FSCN1: variants seen among roughly 807,000 people sequenced by gnomAD.
The protein encoded by FSCN1 is fascin.
A neutral mutation model predicts 39.7 loss-of-function variants in FSCN1; 10 were observed. That is an observed-to-expected ratio of 0.25 (90% confidence interval 0.16 to 0.43). The LOEUF is 0.43. FSCN1 is among the 20% of genes least tolerant of loss of function. The probability of loss-of-function intolerance (pLI) is 1.00; values close to 1 mark genes in which losing one functional copy is unlikely to be tolerated. For missense variants in FSCN1, 525 were observed against 723.8 expected (o/e 0.73, Z 3.15); for synonymous variants, 322 against 320.0 (o/e 1.01, Z -0.07).
chr7:5,600,616 C>G (rs544013978), intron 1 of FSCN1, among the ~76,000 whole-genome samples: 1 of 150,660 alleles, frequency 6.6e-6, no homozygotes, highest in African/African-American at 2.4e-5. Context: ...GTCAGCCTCC[C>G]GAGCAGCTGG....
In FSCN1 at chr7:5,605,872, C is replaced by T. The variant is rs1785924933; in HGVS notation, c.*398C>T. ...GTGTAACTGGAATCTTTTGCCTCTC[C>T]CAGCCACCTCCTCCCAGCCCCCCAG... On this transcript the variant is annotated 3_prime_UTR_variant, in exon 5 of 5. Transcript: ENST00000382361. This position sits in a 1 kb window ranked among gnomAD's most constrained non-coding sequence, Gnocchi z 6.9. 1 of 178,848 alleles carries T rather than the reference C, an allele frequency of 5.6e-6. No homozygotes were observed. Among genetic ancestry groups the T allele is most frequent in the Non-Finnish European group, 1.2e-5 (1 of 84,040 alleles). 11.1% of individuals were successfully genotyped at this position (178,848 alleles called of 1,614,324 possible). A position where few individuals can be genotyped will look rare whatever the true frequency, so the allele number is the denominator to read the frequency against.
chr7:5,604,089 G>A, intron 4 of FSCN1, 59 bp downstream of exon 4: 1 of 1,521,526 alleles, frequency 6.6e-7, no homozygotes, highest in Non-Finnish European at 9.0e-7. Flanking sequence ...GCTGGGGTCA[G>A]TGCTGCGGGG....
intron 4 of FSCN1, 94 bp downstream of exon 4, chr7:5,604,124 C>A: frequency 8.0e-7 from 1 of 1,244,588 alleles, no homozygotes; most frequent in Non-Finnish European, 1.1e-6. Context: ...CCACACTGGA[C>A]CCTGGCTTGG....
chr7:5,594,076 C>A (rs1404038299), intron 1 of FSCN1: 2 of 388,608 alleles, frequency 5.1e-6, no homozygotes, highest in South Asian at 4.6e-5. Flanking sequence ...TGGCTCTCCC[C>A]ACGCGCGCTG....
At chr7:5,595,611 G>T (rs866555578) in intron 1 of FSCN1, among the ~76,000 whole-genome samples, 1 of 152,222 alleles carries the variant, frequency 6.6e-6, no homozygotes, top group Non-Finnish European at 1.5e-5. Flanking sequence ...GCAGGTATGG[G>T]GGGGGTGCTG....
At chr7:5,597,622 G>A (rs1170965905) in intron 1 of FSCN1, among the ~76,000 whole-genome samples, 73 of 151,518 alleles carry the variant, frequency 4.8e-4, no homozygotes, top group Non-Finnish European at 2.5e-4. Flanking sequence ...AGCCGAGATC[G>A]CACCATTGCA....
Position 5,605,171 on chromosome 7 carries a change from T to TG in FSCN1, c.1280-97dup. On this transcript the variant is annotated intron_variant, in intron 4 of 4. Transcript: ENST00000382361. The surrounding 1 kb of genome is among the most constrained non-coding windows in gnomAD (Gnocchi z 6.9). ...TCATTCCGGAGCCGGGACTGGAGGGTGGGGCGTCACCCTTGGGAACACCCG... is the reference window on the plus strand; with the variant it reads ...TCATTCCGGAGCCGGGACTGGAGGGTGGGGGCGTCACCCTTGGGAACACCCG... The TG allele has an allele frequency of 1.2e-6, 1 of 814,124 alleles. No homozygotes were observed. The highest frequency in any genetic ancestry group is 2.0e-6 in the Non-Finnish European group (1 of 488,742). The allele number at this position is 814,124 out of a possible 1,614,324, so 50.4% of individuals were successfully genotyped here.
In FSCN1 at chr7:5,592,928, A is replaced by C; in HGVS notation, c.-9A>C. The C allele has an allele frequency of 6.7e-7, 1 of 1,489,814 alleles. No homozygotes were observed. Among genetic ancestry groups the C allele is most frequent in the Non-Finnish European group, 9.0e-7 (1 of 1,116,008 alleles). The allele number at this position is 1,489,814 out of a possible 1,614,324, so 92.3% of individuals were successfully genotyped here. On this transcript the variant is annotated 5_prime_UTR_variant, in exon 1 of 5. Coordinates refer to ENST00000382361, the MANE Select transcript of FSCN1 (RefSeq NM_003088.4). The surrounding 1 kb of genome is among the most constrained non-coding windows in gnomAD (Gnocchi z 5.3). ...GGGGCCGCGCAGCGGCCTCTCGTCT[A>C]CTGCCACCATGACCGCCAACGGCAC...
At position 5,605,140 on chromosome 7, in the gene FSCN1, C is replaced by A. The variant is rs543976767; in HGVS notation, c.1280-132C>A. 481 of 673,638 alleles carry A rather than the reference C, an allele frequency of 7.1e-4. 4 individuals carry two copies. The highest frequency in any genetic ancestry group is 5.0e-3 in the Middle Eastern group (12 of 2,386). The allele number at this position is 673,638 out of a possible 1,614,324, so 41.7% of individuals were successfully genotyped here. The stretch of plus-strand genomic sequence containing the variant: ...AGGAGGACGTGCGGGCCATAGGGAC[C>A]CTGGCTCATTCCGGAGCCGGGACTG... On this transcript the variant is annotated intron_variant, in intron 4 of 4. Coordinates refer to ENST00000382361, the MANE Select transcript of FSCN1 (RefSeq NM_003088.4). The surrounding 1 kb of genome is among the most constrained non-coding windows in gnomAD (Gnocchi z 6.9).
At position 5,605,125 on chromosome 7, in the gene FSCN1, G is replaced by A. The variant is rs558414023; in HGVS notation, c.1280-147G>A. Reference sequence around the variant, plus strand: ...GTGTCCATCATGGACAGGAGGACGTGCGGGCCATAGGGACCCTGGCTCATT... The same window carrying A: ...GTGTCCATCATGGACAGGAGGACGTACGGGCCATAGGGACCCTGGCTCATT... On this transcript the variant is annotated intron_variant, in intron 4 of 4. Coordinates refer to ENST00000382361, the MANE Select transcript of FSCN1 (RefSeq NM_003088.4). The surrounding 1 kb of genome is among the most constrained non-coding windows in gnomAD (Gnocchi z 6.9). 9.5e-6 allele frequency: 6 copies of A among 634,684 alleles called. No homozygotes were observed. The highest frequency in any genetic ancestry group is 3.7e-5 in the African/African-American group (2 of 54,468). The allele number at this position is 634,684 out of a possible 1,614,324, so 39.3% of individuals were successfully genotyped here.
intron 4 of FSCN1, among the ~76,000 whole-genome samples, chr7:5,604,818 C>A (rs1257303931): frequency 1.3e-5 from 2 of 152,034 alleles, no homozygotes; most frequent in African/African-American, 4.8e-5. Flanking sequence ...TTGTATTTTT[C>A]ATAGAGACGG....
rs745750167 is a variant in FSCN1 at position 5,603,605 on chromosome 7, G to A, written c.1099G>A (p.Val367Met). Reference protein sequence around the residue: ...SKKNGQLAASVETAGDSELFL... With the variant: ...SKKNGQLAASMETAGDSELFL... ...GAAGAATGGGCAGCTGGCCGCCTCGGTGGAGACAGCAGGTAACACTAAAGC... is the reference window on the plus strand; with the variant it reads ...GAAGAATGGGCAGCTGGCCGCCTCGATGGAGACAGCAGGTAACACTAAAGC... Residue 367 changes from valine (V) to methionine (M), a missense_variant, in exon 3 of 5, where the codon GTG becomes ATG. Coordinates refer to ENST00000382361, the MANE Select transcript of FSCN1 (RefSeq NM_003088.4). This position sits in a 1 kb window ranked among gnomAD's most constrained non-coding sequence, Gnocchi z 8.5. 7 of 1,614,006 alleles carry A rather than the reference G, an allele frequency of 4.3e-6. No individual in the cohort carries two copies. In the Admixed American group the frequency reaches 1.0e-4, roughly 23 times the overall value.
At chr7:5,601,532 G>A (rs1342758339) in intron 1 of FSCN1, among the ~76,000 whole-genome samples, 1 of 152,168 alleles carries the variant, frequency 6.6e-6, no homozygotes, top group Non-Finnish European at 1.5e-5. Context: ...GAAAAAAACA[G>A]CTAGAAAGTT....
chr7:5,604,983 A>C (rs1319829897), intron 4 of FSCN1, among the ~76,000 whole-genome samples: 8 of 151,584 alleles, frequency 5.3e-5, no homozygotes, highest in Non-Finnish European at 1.2e-4. Flanking sequence ...TATGTTGGCA[A>C]GGCTGGCTCG....
chr7:5,602,949 A>G lies in FSCN1; in HGVS notation c.833-308A>G, dbSNP rs188337812. Reference sequence around the variant, plus strand: ...GGTCTCAAACTCCTAGACTCAAACAATCCTCCTGCCTTGGCCTCCCAAAGT... The same window carrying G: ...GGTCTCAAACTCCTAGACTCAAACAGTCCTCCTGCCTTGGCCTCCCAAAGT... On this transcript the variant is annotated intron_variant, in intron 1 of 4. Coordinates refer to ENST00000382361, the MANE Select transcript of FSCN1 (RefSeq NM_003088.4). 895 of 405,518 alleles carry G rather than the reference A, an allele frequency of 2.2e-3. 3 individuals carry two copies. The highest frequency in any genetic ancestry group is 2.2e-3 in the Non-Finnish European group (485 of 220,014). The allele number at this position is 405,518 out of a possible 1,614,324, so 25.1% of individuals were successfully genotyped here.
Position 5,605,483 on chromosome 7 carries a change from C to A in FSCN1, c.*9C>A, listed in dbSNP as rs116867877. On this transcript the variant is annotated 3_prime_UTR_variant, in exon 5 of 5. Transcript: ENST00000382361. This position sits in a 1 kb window ranked among gnomAD's most constrained non-coding sequence, Gnocchi z 6.9. ...CGCTCTGGGAGTACTAGGGCCGGCC[C>A]GTCCTTCCCCGCCCCTGCCCACATG... 3.0e-5 allele frequency: 46 copies of A among 1,533,642 alleles called. No individual in the cohort carries two copies. Among genetic ancestry groups the A allele is most frequent in the Non-Finnish European group, 4.1e-5 (46 of 1,135,132 alleles).
At chr7:5,602,133 C>T (rs1640237) in intron 1 of FSCN1, among the ~76,000 whole-genome samples, 17,286 of 151,144 alleles carry the variant, frequency 0.11, 1,066 homozygotes, top group East Asian at 0.17. Flanking sequence ...CTCAAACTCC[C>T]GACCTCGGGT....
At position 5,603,718 on chromosome 7, in the gene FSCN1, TG is replaced by T; in HGVS notation, c.1111+104del. On this transcript the variant is annotated intron_variant, in intron 3 of 4. Transcript: ENST00000382361. This position sits in a 1 kb window ranked among gnomAD's most constrained non-coding sequence, Gnocchi z 8.5. ...GCCCCAGCCAAGGCCTGCTCTGTGC[TG>T]GGCATCCCCCCGGACTGGCCCCGCA... 1 of 1,555,520 alleles carries T rather than the reference TG, an allele frequency of 6.4e-7. No individual in the cohort carries two copies.
intron 1 of FSCN1, among the ~76,000 whole-genome samples, chr7:5,600,243 C>G (rs1402954468): frequency 6.6e-6 from 1 of 151,964 alleles, no homozygotes; most frequent in Non-Finnish European, 1.5e-5. Flanking sequence ...GAAACTCCGT[C>G]TCTACTAAAA....
Sources: gnomAD v4.1 joint callset for allele counts (sites outside exome capture counted in the v4.1 genomes callset) on GRCh38, gnomAD v4.1.1 for gene constraint, Gnocchi (gnomAD v3.1) non-coding constraint, MANE v1.5 for transcripts, NCBI Gene and HGNC (gene_info 2026-07-23, HGNC 2026-07-21) for gene names.